EFR3B: variants seen among roughly 807,000 people sequenced by gnomAD.
The protein encoded by EFR3B is protein EFR3 homolog B.
Under a neutral mutation model 104.7 loss-of-function variants are expected in EFR3B, and 64 were observed. The ratio of observed to expected loss-of-function variants is 0.61; its 90% CI spans 0.50 to 0.75. The LOEUF is 0.75. EFR3B is among the 30% of genes least tolerant of loss of function. EFR3B has a pLI of 0.00. For missense variants in EFR3B, 750 were observed against 1,078.5 expected, an observed-to-expected ratio of 0.70 and a Z score of 4.27; for synonymous variants, 385 against 417.9, an observed-to-expected ratio of 0.92 and a Z score of 0.96.
chr2:25,138,451 C>T (rs543349049), intron 15 of EFR3B, among the ~76,000 whole-genome samples: 22 of 152,290 alleles, frequency 1.4e-4, no homozygotes, highest in African/African-American at 5.3e-4. Flanking sequence ...AAGGCTGGGT[C>T]TCCAGGGTCC....
Position 25,114,754 on chromosome 2 carries a change from C to T in EFR3B, c.364-6919C>T, listed in dbSNP as rs1476719119. Among the ~76,000 whole-genome samples the T allele has an allele frequency of 2.0e-5, 3 of 152,188 alleles. No homozygotes were observed. Among genetic ancestry groups the T allele is most frequent in the African/African-American group, 7.2e-5 (3 of 41,446 alleles). On this transcript the variant is annotated intron_variant, in intron 4 of 22. Coordinates refer to ENST00000403714, the MANE Select transcript of EFR3B (RefSeq NM_014971.2). This position sits in a 1 kb window ranked among gnomAD's most constrained non-coding sequence, Gnocchi z 4.0. ...CAAGAACATGCTTCCCTAGCTTTTT[C>T]CCAAGGTTCTGCGAGAGCTTTCTTC...
At chr2:25,118,749 A>G (rs1669934175) in intron 4 of EFR3B, among the ~76,000 whole-genome samples, 1 of 148,030 alleles carries the variant, frequency 6.8e-6, no homozygotes, top group African/African-American at 2.5e-5. Context: ...AAAAAAAAAA[A>G]AAAAAAAAAG....
At chr2:25,133,326 G>A in intron 11 of EFR3B, 57 bp from the exon 12 acceptor site, 2 of 1,507,956 alleles carry the variant, frequency 1.3e-6, no homozygotes, top group Middle Eastern at 1.7e-4. Context: ...AAGCTGGCAA[G>A]TGTGTGACCT....
intron 4 of EFR3B, among the ~76,000 whole-genome samples, chr2:25,106,295 G>GT (rs958322841): frequency 3.4e-3 from 494 of 145,340 alleles, no homozygotes; most frequent in East Asian, 9.5e-3. Context: ...CACCTCTGGA[G>GT]TTTTTTTTTT....
At chr2:25,068,836 A>G (rs1278538733) in intron 1 of EFR3B, among the ~76,000 whole-genome samples, 1 of 151,100 alleles carries the variant, frequency 6.6e-6, no homozygotes, top group Non-Finnish European at 1.5e-5. Context: ...TCACCGTGTT[A>G]GCCAGGATGG....
chr2:25,075,114 C>T (rs892951797), intron 1 of EFR3B, among the ~76,000 whole-genome samples: 2 of 152,302 alleles, frequency 1.3e-5, no homozygotes, highest in Admixed American at 6.5e-5. Flanking sequence ...TCGTCAGTTA[C>T]ACCTGATTTT....
intron 10 of EFR3B, 88 bp from the exon 11 acceptor site, chr2:25,132,815 G>A (rs1670391893): frequency 2.8e-6 from 3 of 1,083,072 alleles, no homozygotes; most frequent in South Asian, 2.9e-5. Flanking sequence ...GAGAGAGGCA[G>A]CCCTCGCTCT....
At chr2:25,091,455 T>G in intron 2 of EFR3B, 54 bp downstream of exon 2, 5 of 1,481,528 alleles carry the variant, frequency 3.4e-6, no homozygotes, top group Middle Eastern at 2.0e-4. Context: ...GCAGGGCCTC[T>G]GACGGGGGCA....
chr2:25,135,770 C>T (rs1266322395), intron 13 of EFR3B, 131 bp downstream of exon 13: 1 of 1,098,042 alleles, frequency 9.1e-7, no homozygotes, highest in African/African-American at 1.6e-5. Flanking sequence ...TCTGAGTATC[C>T]CACAATTCAG....
In EFR3B at chr2:25,139,181, C is replaced by T. The variant is rs1343615368; in HGVS notation, c.1845C>T (p.His615=). The T allele has an allele frequency of 3.9e-6, 6 of 1,551,454 alleles. No homozygotes were observed. The highest frequency in any genetic ancestry group is 5.2e-6 in the Non-Finnish European group (6 of 1,146,946). ...CAACAGTGCCTGCCTTCTGCCAGCACATCCATGAGGTTGGTGTTCTCACGA... is the reference window on the plus strand; with the variant it reads ...CAACAGTGCCTGCCTTCTGCCAGCATATCCATGAGGTTGGTGTTCTCACGA... ...QLTTVPAFCQ[H]IHEVIETRKK... The change falls in exon 16 of 23, where the codon CAC becomes CAT. Residue 615 remains histidine, a synonymous_variant. Coordinates refer to ENST00000403714, the MANE Select transcript of EFR3B (RefSeq NM_014971.2).
chr2:25,135,719 T>C, intron 13 of EFR3B, 80 bp downstream of exon 13: 1 of 1,481,504 alleles, frequency 6.7e-7, no homozygotes, highest in South Asian at 1.3e-5. Flanking sequence ...GGTCCTGTCC[T>C]CACACCCAGG....
intron 3 of EFR3B, among the ~76,000 whole-genome samples, chr2:25,102,301 A>T (rs1669449236): frequency 6.6e-6 from 1 of 152,130 alleles, no homozygotes; most frequent in African/African-American, 2.4e-5. Context: ...TGAATAGAGG[A>T]TAGAGGTTAT....
At chr2:25,124,662 C>A (rs1252598896) in intron 5 of EFR3B, among the ~76,000 whole-genome samples, 3 of 145,740 alleles carry the variant, frequency 2.1e-5, no homozygotes, top group East Asian at 2.0e-4. Context: ...ATTGTGTAAA[C>A]CCGGAGGCAG....
intron 1 of EFR3B, among the ~76,000 whole-genome samples, chr2:25,061,595 G>T (rs560225220): frequency 1.6e-4 from 25 of 152,102 alleles, no homozygotes; most frequent in Admixed American, 6.6e-4. Context: ...CCAGGTTCAA[G>T]TGATTCTCCT....
rs1671109375 is a variant in EFR3B, at chr2:25,154,633, G to T, written c.*293G>T. 5.7e-6 allele frequency: 2 copies of T among 349,942 alleles called. No homozygotes were observed. The allele number at this position is 349,942 out of a possible 1,614,324, so 21.7% of individuals were successfully genotyped here. A position where few individuals can be genotyped will look rare whatever the true frequency, so the allele number is the denominator to read the frequency against. ...ATGGGGTGTCTCTCAGGAGAAGCCGGGGGGAGGGGGCTGAGAAGCTCCTAC... is the reference window on the plus strand; with the variant it reads ...ATGGGGTGTCTCTCAGGAGAAGCCGTGGGGAGGGGGCTGAGAAGCTCCTAC... On this transcript the variant is annotated 3_prime_UTR_variant, in exon 23 of 23. Coordinates refer to ENST00000403714, the MANE Select transcript of EFR3B (RefSeq NM_014971.2). The surrounding 1 kb of genome is among the most constrained non-coding windows in gnomAD (Gnocchi z 4.1).
Position 25,131,441 on chromosome 2 carries a change from TGC to T in EFR3B, c.929_930del (p.Ala310GlyfsTer113). 1 of 1,550,714 alleles carries T rather than the reference TGC, an allele frequency of 6.4e-7. No homozygotes were observed. Among genetic ancestry groups the T allele is most frequent in the Non-Finnish European group, 8.7e-7 (1 of 1,146,852 alleles). On this transcript the variant is annotated frameshift_variant, in exon 9 of 23. Transcript: ENST00000403714. LOFTEE classifies it high-confidence loss of function. This position sits in a 1 kb window ranked among gnomAD's most constrained non-coding sequence, Gnocchi z 7.6. ...GCCAACAGCCGCAGCGCTGCGACGGTGCGCGCGGGCATCGTGGAAGTCTTGTC... is the reference window on the plus strand; with the variant it reads ...GCCAACAGCCGCAGCGCTGCGACGGTGCGCGGGCATCGTGGAAGTCTTGTC...
intron 3 of EFR3B, among the ~76,000 whole-genome samples, chr2:25,097,591 G>A (rs922504177): frequency 3.3e-5 from 5 of 152,184 alleles, no homozygotes; most frequent in Non-Finnish European, 7.3e-5. Flanking sequence ...CTGGCTCATA[G>A]GTGTTTAGCA....
rs1670776414 is a variant in EFR3B, at chr2:25,145,047, A to T, written c.2138A>T (p.Glu713Val). Residue 713 changes from glutamate (E) to valine (V), a missense_variant, in exon 19 of 23, where the codon GAG (glutamate) becomes GTG (valine). By Grantham distance (121) the Glu-to-Val change is moderately radical. Coordinates refer to ENST00000403714, the MANE Select transcript of EFR3B (RefSeq NM_014971.2). ...EVESRNSPEK[E>V]ERVPAEEITY... The stretch of plus-strand genomic sequence containing the variant: ...GAATCGAGGAACAGTCCGGAGAAGG[A>T]GGAGGTGAGTGTCCGTGCCACCGTC... 6.4e-7 allele frequency: 1 copy of T among 1,551,612 alleles called. No individual in the cohort carries two copies. Among genetic ancestry groups the T allele is most frequent in the Non-Finnish European group, 8.7e-7 (1 of 1,146,990 alleles).
At chr2:25,121,931 G>A (rs1262930289) in intron 5 of EFR3B, 137 bp downstream of exon 5, 1 of 1,220,136 alleles carries the variant, frequency 8.2e-7, no homozygotes, top group African/African-American at 1.5e-5. Flanking sequence ...CCGGGCAGGT[G>A]GGCCAGCACC....
Sources: gnomAD v4.1 joint callset for allele counts (sites outside exome capture counted in the v4.1 genomes callset) on GRCh38, gnomAD v4.1.1 for gene constraint, Gnocchi (gnomAD v3.1) non-coding constraint, MANE v1.5 for transcripts, NCBI Gene and HGNC (gene_info 2026-07-23, HGNC 2026-07-21) for gene names.